Variants in SLC26A9 observed in about 807,000 individuals in gnomAD.
SLC26A9 encodes the protein solute carrier family 26 member 9.
SLC26A9 carries 46 observed loss-of-function variants against 87.1 expected under a neutral mutation model. That is an observed-to-expected ratio of 0.53 (90% CI 0.42 to 0.67). The LOEUF (loss-of-function observed/expected upper bound fraction) is 0.67, where lower values mean the gene tolerates loss of function less well. Among genes scored for constraint, SLC26A9 ranks in the 30% least tolerant of loss-of-function variants. SLC26A9 has a pLI of 0.00. For missense variants in SLC26A9, 927 were observed against 1,018.3 expected (o/e 0.91, Z 1.22); for synonymous variants, 437 against 409.1 (o/e 1.07, Z -0.82).
rs1297411278 is a variant in SLC26A9, at chr1:205,930,121, G to A, written c.553-65C>T. Reference sequence around the variant, plus strand: ...TGTGGTTCAGCAGTTCCAACGACCCGCCCCACACACACGCAGGTCTGGAGC... The same window carrying A: ...TGTGGTTCAGCAGTTCCAACGACCCACCCCACACACACGCAGGTCTGGAGC... On this transcript the variant is annotated intron_variant, in intron 5 of 20. Transcript: ENST00000367135. 3.9e-5 allele frequency: 59 copies of A among 1,506,424 alleles called. No homozygotes were observed. In the Middle Eastern group the frequency reaches 7.0e-4, roughly 18 times the overall value. 93.3% of individuals were successfully genotyped at this position (1,506,424 alleles called of 1,614,324 possible).
chr1:205,914,642 A>C lies in SLC26A9; in HGVS notation c.*715T>G, dbSNP rs1425375326. The C allele has an allele frequency of 4.4e-6, 2 of 456,450 alleles. No homozygotes were observed. The highest frequency in any genetic ancestry group is 7.8e-6 in the Non-Finnish European group (2 of 257,086). The allele number at this position is 456,450 out of a possible 1,614,324, so 28.3% of individuals were successfully genotyped here. On this transcript the variant is annotated 3_prime_UTR_variant, in exon 21 of 21. Transcript: ENST00000367135. ...TTTCAGGAGGCTGAGGCAGAACCTTAGTGGGCTGTCCCCGGGGAGGTAGCT... is the reference window on the plus strand; with the variant it reads ...TTTCAGGAGGCTGAGGCAGAACCTTCGTGGGCTGTCCCCGGGGAGGTAGCT...
intron 11 of SLC26A9, 66 bp from the exon 12 acceptor site, chr1:205,926,696 C>A: frequency 7.4e-7 from 1 of 1,350,878 alleles, no homozygotes; most frequent in Non-Finnish European, 1.1e-6. Flanking sequence ...CCTGCGCATA[C>A]CCGACCCCAA....
rs546276950 is a variant in SLC26A9, at chr1:205,913,805, C to G, written c.*1552G>C. 2 of 152,638 alleles carry G rather than the reference C, an allele frequency of 1.3e-5. No homozygotes were observed. The highest frequency in any genetic ancestry group is 1.3e-4 in the Admixed American group (2 of 15,286). The allele number at this position is 152,638 out of a possible 1,614,324, so 9.5% of individuals were successfully genotyped here. A position where few individuals can be genotyped will look rare whatever the true frequency, so the allele number is the denominator to read the frequency against. On this transcript the variant is annotated 3_prime_UTR_variant, in exon 21 of 21. Transcript: ENST00000367135. Reference sequence around the variant, plus strand: ...GAATGTGTTGGCTCTTGGCCAGCACCCCCTCCTTTAACTCTAAGAAGACTT... The same window carrying G: ...GAATGTGTTGGCTCTTGGCCAGCACGCCCTCCTTTAACTCTAAGAAGACTT...
chr1:205,920,263 G>T, intron 17 of SLC26A9, 33 bp from the exon 18 acceptor site: 2 of 1,613,476 alleles, frequency 1.2e-6, no homozygotes, highest in Non-Finnish European at 1.7e-6. Flanking sequence ...GAGGCAAAAG[G>T]AAAGGAATGT....
At chr1:205,935,897 G>A in intron 1 of SLC26A9, 59 bp from the exon 2 acceptor site, 1 of 1,531,086 alleles carries the variant, frequency 6.5e-7, no homozygotes, top group South Asian at 1.3e-5. Flanking sequence ...TGCCAGCCCA[G>A]GCCTTCTCTC....
At chr1:205,930,154 A>G in intron 5 of SLC26A9, 98 bp from the exon 6 acceptor site, 2 of 1,328,944 alleles carry the variant, frequency 1.5e-6, no homozygotes, top group South Asian at 3.1e-5. Flanking sequence ...AGCTCCGTGC[A>G]GTCCTAGCGT....
intron 16 of SLC26A9, 62 bp downstream of exon 16, chr1:205,923,019 CA>C (rs1658905321): frequency 6.7e-7 from 1 of 1,502,240 alleles, no homozygotes; most frequent in African/African-American, 1.4e-5. Context: ...CCATGAGTAA[CA>C]GGGGGCAGTA....
chr1:205,926,657 A>G, intron 11 of SLC26A9, 27 bp from the exon 12 acceptor site: 2 of 1,601,028 alleles, frequency 1.2e-6, no homozygotes, highest in South Asian at 2.2e-5. Context: ...TTGCTCCAGG[A>G]CCCCAGGGTC....
chr1:205,934,599 T>C (rs974488856), intron 2 of SLC26A9, among the ~76,000 whole-genome samples: 3 of 152,234 alleles, frequency 2.0e-5, no homozygotes, highest in Admixed American at 6.5e-5. Flanking sequence ...CAAATATTTA[T>C]TGGTGCACCT....
At chr1:205,924,983 C>T (rs564421245) in intron 12 of SLC26A9, among the ~76,000 whole-genome samples, 17 of 152,204 alleles carry the variant, frequency 1.1e-4, no homozygotes, top group East Asian at 3.9e-4. Flanking sequence ...TTTCTAGAGA[C>T]GGCTCTCGCT....
chr1:205,939,883 C>T (rs932680071), intron 1 of SLC26A9, among the ~76,000 whole-genome samples: 1 of 152,170 alleles, frequency 6.6e-6, no homozygotes, highest in African/African-American at 2.4e-5. Flanking sequence ...AAGTCAAGTG[C>T]CCTATTGCCA....
intron 16 of SLC26A9, among the ~76,000 whole-genome samples, chr1:205,922,496 C>T (rs561736485): frequency 3.9e-5 from 6 of 152,314 alleles, no homozygotes; most frequent in African/African-American, 1.4e-4. Context: ...CTGCTGTTCC[C>T]CCTCTGGGTT....
At chr1:205,923,508 A>T (rs759057075) in intron 14 of SLC26A9, 36 bp downstream of exon 14, 1 of 1,614,032 alleles carries the variant, frequency 6.2e-7, no homozygotes, top group African/African-American at 1.3e-5. Flanking sequence ...GGTGGTGCAG[A>T]GCAAAAGAAG....
At position 205,932,826 on chromosome 1, in the gene SLC26A9, C is replaced by G; in HGVS notation, c.266-14G>C. On this transcript the variant is annotated splice_polypyrimidine_tract_variant and intron_variant, in intron 3 of 20. Transcript: ENST00000367135. ...CAAATGCCATGCCTGCAGAGGACAA[C>G]GAGACTGAAGCTCAGCAGCATGACT... The G allele has an allele frequency of 6.3e-7, 1 of 1,590,454 alleles. No homozygotes were observed. The highest frequency in any genetic ancestry group is 8.6e-7 in the Non-Finnish European group (1 of 1,167,354).
intron 1 of SLC26A9, among the ~76,000 whole-genome samples, chr1:205,936,521 C>T (rs1243389766): frequency 6.6e-6 from 1 of 152,160 alleles, no homozygotes; most frequent in Non-Finnish European, 1.5e-5. Context: ...TTTTGCGCAA[C>T]CTGGCTGACG....
chr1:205,935,642 A>G, intron 2 of SLC26A9, 54 bp downstream of exon 2: 1 of 1,608,534 alleles, frequency 6.2e-7, no homozygotes, highest in South Asian at 1.1e-5. Context: ...CTGGTGCAGA[A>G]AGGATTTTGG....
rs191448141 is a variant in SLC26A9, at chr1:205,917,852, C to A, written c.2257-498G>T. Among the ~76,000 whole-genome samples, 227 of 152,182 alleles carry A rather than the reference C, an allele frequency of 1.5e-3. 2 individuals are homozygous for A. The East Asian group carries it at 0.032, about 21-fold the overall frequency. ...GTCTATGACTAATCAAGTATACATA[C>A]CAACTAGAGTAGCTGAACATGATTA... On this transcript the variant is annotated intron_variant, in intron 19 of 20. Coordinates refer to ENST00000367135, the MANE Select transcript of SLC26A9 (RefSeq NM_052934.4).
Position 205,921,616 on chromosome 1 carries a change from T to C in SLC26A9, c.2005A>G (p.Met669Val). Residue 669 changes from methionine to valine, a missense_variant, in exon 17 of 21, where the codon ATG (methionine) becomes GTG (valine). By Grantham distance (21) the Met-to-Val change is conservative. Transcript: ENST00000367135. Reference protein sequence around the residue: ...FVTFHTLILDMSGVSFVDLMG... With the variant: ...FVTFHTLILDVSGVSFVDLMG... Reference sequence around the variant, plus strand: ...AAGTCCACGAAGCTGACTCCACTCATGTCCAGGATGAGGGTGTGGAAGGTG... The same window carrying C: ...AAGTCCACGAAGCTGACTCCACTCACGTCCAGGATGAGGGTGTGGAAGGTG... 1 of 1,611,828 alleles carries C rather than the reference T, an allele frequency of 6.2e-7. No individual in the cohort carries two copies. The highest frequency in any genetic ancestry group is 8.5e-7 in the Non-Finnish European group (1 of 1,179,348).
At chr1:205,940,933 G>A (rs1296534853) in intron 1 of SLC26A9, among the ~76,000 whole-genome samples, 1 of 152,190 alleles carries the variant, frequency 6.6e-6, no homozygotes, top group African/African-American at 2.4e-5. Flanking sequence ...GCTGTGTTCT[G>A]GGAAGAGGAA....
Sources: gnomAD v4.1 joint callset for allele counts (sites outside exome capture counted in the v4.1 genomes callset) on GRCh38, gnomAD v4.1.1 for gene constraint, MANE v1.5 for transcripts, NCBI Gene and HGNC (gene_info 2026-07-23, HGNC 2026-07-21) for gene names.